FSTL5: variants seen among roughly 807,000 people sequenced by gnomAD.
FSTL5 encodes follistatin-related protein 5.
Under a neutral mutation model 89.1 loss-of-function variants are expected in FSTL5, and 62 were observed. That is an observed-to-expected ratio of 0.70 (90% CI 0.57 to 0.86). The LOEUF is 0.86. Ranked by LOEUF, FSTL5 falls within the 40% of genes least tolerant of loss-of-function variation. The pLI is 0.00. For missense variants in FSTL5, 1,057 were observed against 1,001.6 expected (o/e 1.06, Z -0.75); for synonymous variants, 383 against 346.2 (o/e 1.11, Z -1.18).
intron 2 of FSTL5, among the ~76,000 whole-genome samples, chr4:162,106,635 A>G (rs1000994370): frequency 5.9e-5 from 9 of 152,312 alleles, no homozygotes; most frequent in Admixed American, 3.9e-4. Flanking sequence ...AGAAAAGGCC[A>G]AGAATAGAAA....
intron 4 of FSTL5, among the ~76,000 whole-genome samples, chr4:161,782,736 G>C (rs1741717274): frequency 6.6e-6 from 1 of 152,082 alleles, no homozygotes; most frequent in Admixed American, 6.6e-5. Context: ...TGCTACTTAA[G>C]ATATAACTTG....
chr4:161,851,656 C>A (rs1447547008), intron 4 of FSTL5, among the ~76,000 whole-genome samples: 8 of 151,878 alleles, frequency 5.3e-5, no homozygotes, highest in Admixed American at 4.6e-4. Context: ...TTGGTTTAAA[C>A]ACTATTAGAA....
intron 13 of FSTL5, among the ~76,000 whole-genome samples, chr4:161,466,708 G>A (rs1278662986): frequency 6.6e-6 from 1 of 151,868 alleles, no homozygotes; most frequent in Non-Finnish European, 1.5e-5. Context: ...AAACTTTGAT[G>A]GTGAGAAAAG....
chr4:161,593,978 A>C lies in FSTL5; in HGVS notation c.895-6403T>G, dbSNP rs531023282. ...AAAGGCTGTACCTCACGTGAACAGT[A>C]AGCAGATATTTGACATGTTGTAGAG... is the stretch of plus-strand genomic sequence containing the variant. On this transcript the variant is annotated intron_variant, in intron 7 of 15. Transcript: ENST00000306100. Among the ~76,000 whole-genome samples the C allele has an allele frequency of 2.1e-3, 327 of 152,314 alleles. 1 individual carries two copies. The highest frequency in any genetic ancestry group is 3.6e-3 in the Non-Finnish European group (247 of 68,016).
At chr4:161,524,756 G>A (rs1239754052) in intron 10 of FSTL5, among the ~76,000 whole-genome samples, 8 of 151,984 alleles carry the variant, frequency 5.3e-5, no homozygotes, top group Admixed American at 1.3e-4. Flanking sequence ...TCAGGAGATC[G>A]AGACCATCCT....
At chr4:161,786,600 G>A (rs1346151347) in intron 4 of FSTL5, among the ~76,000 whole-genome samples, 2 of 152,062 alleles carry the variant, frequency 1.3e-5, no homozygotes, top group African/African-American at 4.8e-5. Context: ...GTAATCCTAT[G>A]AATCTTTGTC....
At chr4:161,568,632 C>T (rs745963788) in intron 8 of FSTL5, among the ~76,000 whole-genome samples, 3 of 151,264 alleles carry the variant, frequency 2.0e-5, no homozygotes, top group Non-Finnish European at 2.9e-5. Context: ...TATGTAGGAG[C>T]TGTCATTATT....
chr4:161,752,123 C>T (rs986433089), intron 6 of FSTL5, among the ~76,000 whole-genome samples: 1 of 151,850 alleles, frequency 6.6e-6, no homozygotes, highest in Admixed American at 6.6e-5. Flanking sequence ...AGCAGAGATA[C>T]AAAATAGTGA....
At chr4:161,629,635 G>A (rs370667101) in intron 7 of FSTL5, among the ~76,000 whole-genome samples, 1 of 152,036 alleles carries the variant, frequency 6.6e-6, no homozygotes, top group African/African-American at 2.4e-5. Context: ...CTGAGCCACC[G>A]CGCCCGGCCC....
chr4:161,791,172 A>C (rs1195901884), intron 4 of FSTL5, among the ~76,000 whole-genome samples: 1 of 151,446 alleles, frequency 6.6e-6, no homozygotes, highest in African/African-American at 2.4e-5. Context: ...AGAAGTCCAA[A>C]GAATTAGGGA....
chr4:161,415,748 T>C (rs193038978), intron 15 of FSTL5, among the ~76,000 whole-genome samples: 2,242 of 137,300 alleles, frequency 0.016, 55 homozygotes, highest in African/African-American at 0.054. Context: ...ATGATATATA[T>C]ACACATATAT....
intron 4 of FSTL5, among the ~76,000 whole-genome samples, chr4:161,858,859 C>A (rs986575519): frequency 4.6e-5 from 7 of 152,114 alleles, no homozygotes; most frequent in African/African-American, 1.7e-4. Context: ...TTTGTTAAAC[C>A]CCATTCTGTA....
intron 15 of FSTL5, among the ~76,000 whole-genome samples, chr4:161,413,970 C>G (rs919543296): frequency 2.6e-5 from 4 of 152,150 alleles, no homozygotes; most frequent in Non-Finnish European, 5.9e-5. Flanking sequence ...GGGTACCATG[C>G]TAGCTACAGG....
At chr4:161,618,886 A>G (rs1004258474) in intron 7 of FSTL5, among the ~76,000 whole-genome samples, 18 of 152,230 alleles carry the variant, frequency 1.2e-4, no homozygotes, top group African/African-American at 3.6e-4. Context: ...CGCCAAGTCA[A>G]TCCTAAGCCA....
chr4:161,563,722 C>T (rs959381412), intron 8 of FSTL5, among the ~76,000 whole-genome samples: 7 of 151,936 alleles, frequency 4.6e-5, no homozygotes, highest in African/African-American at 1.7e-4. Flanking sequence ...TATTTCTCCC[C>T]AACAATTTGG....
At chr4:161,539,526 C>A (rs2126540987) in intron 9 of FSTL5, among the ~76,000 whole-genome samples, 1 of 152,220 alleles carries the variant, frequency 6.6e-6, no homozygotes, top group South Asian at 2.1e-4. Flanking sequence ...AGAATCACTA[C>A]TCCAAAAAAG....
At chr4:161,861,212 C>T (rs1323881649) in intron 4 of FSTL5, among the ~76,000 whole-genome samples, 14 of 152,158 alleles carry the variant, frequency 9.2e-5, no homozygotes, top group Admixed American at 7.9e-4. Context: ...CACCTGAGGT[C>T]AGGAGTTCGA....
chr4:161,538,059 T>G (rs78198058), intron 10 of FSTL5, 107 bp downstream of exon 10: 1 of 926,968 alleles, frequency 1.1e-6, no homozygotes, highest in Middle Eastern at 2.3e-4. Context: ...TTTGTTATAA[T>G]GCATTGTGCA....
intron 4 of FSTL5, among the ~76,000 whole-genome samples, chr4:161,808,343 A>G (rs1291541122): frequency 6.6e-6 from 1 of 152,180 alleles, no homozygotes; most frequent in Non-Finnish European, 1.5e-5. Context: ...CCAAAAAAAC[A>G]TGAAAGCAAG....
Sources: gnomAD v4.1 joint callset for allele counts (sites outside exome capture counted in the v4.1 genomes callset) on GRCh38, gnomAD v4.1.1 for gene constraint, MANE v1.5 for transcripts, NCBI Gene and HGNC (gene_info 2026-07-23, HGNC 2026-07-21) for gene names.